PDZRN3: variants seen among roughly 807,000 people sequenced by gnomAD.
The protein encoded by PDZRN3 is E3 ubiquitin-protein ligase PDZRN3.
PDZRN3 carries 38 observed loss-of-function variants against 85.7 expected under a neutral mutation model. The observed-to-expected ratio is 0.44, with a 90% CI of 0.34 to 0.58. PDZRN3 has a LOEUF of 0.58. Among genes scored for constraint, PDZRN3 ranks in the 20% least tolerant of loss-of-function variants. The pLI, the probability that PDZRN3 is intolerant of heterozygous loss-of-function variation, is 0.01. For synonymous variants in PDZRN3, 759 were observed against 638.0 expected, an observed-to-expected ratio of 1.19 and a Z score of -2.86; for missense variants, 1,629 against 1,506.4, an observed-to-expected ratio of 1.08 and a Z score of -1.35.
At chr3:73,486,395 G>C (rs943585502) in intron 3 of PDZRN3, among the ~76,000 whole-genome samples, 1 of 3,062 alleles carries the variant, frequency 3.3e-4, no homozygotes, top group African/African-American at 7.1e-4. Context: ...GCATGAGGTG[G>C]AAGGAAAAAA....
intron 3 of PDZRN3, among the ~76,000 whole-genome samples, chr3:73,463,980 A>C (rs111717317): frequency 1.3e-5 from 2 of 151,950 alleles, no homozygotes; most frequent in Admixed American, 6.6e-5. Context: ...ATTCTTTTTT[A>C]TTTTTTATTT....
At position 73,490,806 on chromosome 3, in the gene PDZRN3, C is replaced by T. The variant is rs934054255; in HGVS notation, c.919-86411G>A. ...AGTAAGGAATGCAGGCAGTGGCTAC[C>T]GCTCCCTGTATCCCTGAACTTCAAA... On this transcript the variant is annotated intron_variant, in intron 3 of 9. Transcript: ENST00000263666. Among the ~76,000 whole-genome samples, 12 of 152,326 alleles carry T rather than the reference C, an allele frequency of 7.9e-5. No individual in the cohort carries two copies. The South Asian group carries it at 1.2e-3, about 16-fold the overall frequency.
chr3:73,387,679 C>T (rs555497291), intron 8 of PDZRN3, among the ~76,000 whole-genome samples: 25 of 152,316 alleles, frequency 1.6e-4, no homozygotes, highest in African/African-American at 4.3e-4. Flanking sequence ...AATGTCTTGA[C>T]GTGACCCCGG....
At chr3:73,548,905 G>C (rs554574789) in intron 3 of PDZRN3, among the ~76,000 whole-genome samples, 1 of 152,220 alleles carries the variant, frequency 6.6e-6, no homozygotes, top group Admixed American at 6.5e-5. Flanking sequence ...CATGAGAACT[G>C]ATGAGAAAGA....
intron 3 of PDZRN3, chr3:73,433,697 C>T: frequency 6.5e-7 from 1 of 1,536,136 alleles, no homozygotes; most frequent in Non-Finnish European, 8.7e-7. Flanking sequence ...GCTGCACAGA[C>T]TGCATCCCAT....
chr3:73,621,775 G>T (rs12635893), intron 1 of PDZRN3: 1 of 151,910 alleles, frequency 6.6e-6, no homozygotes, highest in South Asian at 2.1e-4. Flanking sequence ...CTCCAACACC[G>T]GAACAAACCT....
intron 3 of PDZRN3, chr3:73,408,110 A>G (rs1315830333): frequency 1.4e-5 from 10 of 702,460 alleles, no homozygotes; most frequent in African/African-American, 3.5e-5. Context: ...ATACAGTTCA[A>G]ATAAGCCCCT....
intron 3 of PDZRN3, among the ~76,000 whole-genome samples, chr3:73,460,966 G>A (rs1156349941): frequency 6.6e-6 from 1 of 151,948 alleles, no homozygotes; most frequent in Admixed American, 6.6e-5. Context: ...GCTAATTTTT[G>A]TATTTTTAGT....
At chr3:73,567,043 T>C (rs1034091748) in intron 3 of PDZRN3, among the ~76,000 whole-genome samples, 2 of 152,204 alleles carry the variant, frequency 1.3e-5, no homozygotes, top group African/African-American at 4.8e-5. Context: ...GCCCCAAATA[T>C]CTAAAGTAAT....
chr3:73,416,890 T>TTTTTTTTTTTTG (rs1559667737), intron 3 of PDZRN3, among the ~76,000 whole-genome samples: 2 of 139,958 alleles, frequency 1.4e-5, no homozygotes, highest in African/African-American at 5.6e-5. Context: ...TTTTTTTTTT[T>TTTTTTTTTTTTG]TTTTTTTTTT....
At chr3:73,489,499 T>C (rs1575686768) in intron 3 of PDZRN3, among the ~76,000 whole-genome samples, 1 of 151,744 alleles carries the variant, frequency 6.6e-6, no homozygotes, top group Non-Finnish European at 1.5e-5. Flanking sequence ...AGAGGAGGAC[T>C]TCAGAGGAGT....
In PDZRN3 at chr3:73,624,228, C is replaced by T; in HGVS notation, c.598G>A (p.Ala200Thr). Residue 200 changes from alanine to threonine, a missense_variant, in exon 1 of 10, where the codon GCC (alanine) becomes ACC (threonine). Transcript: ENST00000263666. ...TCAAGCTGCGCCGCGGCCAGCTGGG[C>T]CACCAGCGACTTCTCGCGCTTCCCA... ...RAGKREKSLV[A>T]QLAAAQLELQ... 1.4e-6 allele frequency: 2 copies of T among 1,479,518 alleles called. No homozygotes were observed. Among genetic ancestry groups the T allele is most frequent in the South Asian group, 2.6e-5 (2 of 77,322 alleles). The allele number at this position is 1,479,518 out of a possible 1,614,324, so 91.6% of individuals were successfully genotyped here. A position where few individuals can be genotyped will look rare whatever the true frequency, so the allele number is the denominator to read the frequency against.
chr3:73,385,187 T>A lies in PDZRN3; in HGVS notation c.1636-257A>T, dbSNP rs540200029. Among the ~76,000 whole-genome samples, 25 of 152,308 alleles carry A rather than the reference T, an allele frequency of 1.6e-4. No homozygotes were observed. In the South Asian group the frequency reaches 3.7e-3, roughly 23 times the overall value. On this transcript the variant is annotated intron_variant, in intron 9 of 9. Transcript: ENST00000263666. ...ATAATAGTCACTTTATCTCAATGAA[T>A]GATTCTCAATGATTCTGTTAAATGA...
At chr3:73,550,213 C>A (rs1000322889) in intron 3 of PDZRN3, among the ~76,000 whole-genome samples, 39 of 152,162 alleles carry the variant, frequency 2.6e-4, no homozygotes, top group African/African-American at 9.2e-4. Flanking sequence ...CATCCGGGAA[C>A]TGGTTAGAAA....
chr3:73,596,134 G>A (rs1702427500), intron 3 of PDZRN3, among the ~76,000 whole-genome samples: 1 of 152,092 alleles, frequency 6.6e-6, no homozygotes, highest in African/African-American at 2.4e-5. Context: ...AATAACACAG[G>A]TTAAAAGCCT....
intron 3 of PDZRN3, among the ~76,000 whole-genome samples, chr3:73,515,212 C>CTG (rs1340541275): frequency 1.6e-5 from 2 of 122,888 alleles, no homozygotes; most frequent in African/African-American, 3.1e-5. Flanking sequence ...GAGTCTTGCT[C>CTG]TCACCCAGGC....
Position 73,624,790 on chromosome 3 carries a change from C to A in PDZRN3, c.36G>T (p.Val12=). 1 of 1,405,358 alleles carries A rather than the reference C, an allele frequency of 7.1e-7. No homozygotes were observed. The highest frequency in any genetic ancestry group is 9.2e-7 in the Non-Finnish European group (1 of 1,082,612). The allele number at this position is 1,405,358 out of a possible 1,614,324, so 87.1% of individuals were successfully genotyped here. A position where few individuals can be genotyped will look rare whatever the true frequency, so the allele number is the denominator to read the frequency against. Residue 12 remains valine (V), a synonymous_variant, in exon 1 of 10, where the codon GTG becomes GTT. Transcript: ENST00000263666. ...ACAGCGCGCACTTCAGGTCCGGGTC[C>A]ACGTCGCCGTCGAAGCGGTCCAGCT... ...GFELDRFDGD[V]DPDLKCALCH... is the part of the protein sequence containing the mutation.
At chr3:73,496,430 A>G (rs1451566930) in intron 3 of PDZRN3, among the ~76,000 whole-genome samples, 1 of 152,180 alleles carries the variant, frequency 6.6e-6, no homozygotes, top group Non-Finnish European at 1.5e-5. Flanking sequence ...TGAATGATTA[A>G]TCAACATTTT....
At chr3:73,400,819 T>C in intron 5 of PDZRN3, 103 bp downstream of exon 5, 1 of 829,870 alleles carries the variant, frequency 1.2e-6, no homozygotes, top group Non-Finnish European at 2.1e-6. Context: ...TTTTGTTACT[T>C]TCCATCGGCA....
Sources: gnomAD v4.1 joint callset for allele counts (sites outside exome capture counted in the v4.1 genomes callset) on GRCh38, gnomAD v4.1.1 for gene constraint, MANE v1.5 for transcripts, NCBI Gene and HGNC (gene_info 2026-07-23, HGNC 2026-07-21) for gene names.